The following SCFD1 variants were observed in gnomAD, a reference collection of about 807,000 sequenced individuals.
SCFD1 encodes sec1 family domain containing 1, also known as sec1 family domain-containing protein 1.
Under a neutral mutation model 103.2 loss-of-function variants are expected in SCFD1, and 37 were observed. That is an observed-to-expected ratio of 0.36 (90% CI 0.28 to 0.47). SCFD1 has a LOEUF of 0.47. SCFD1 is among the 20% of genes least tolerant of loss of function. The pLI is 1.00. For synonymous variants in SCFD1, 264 were observed against 245.0 expected (o/e 1.08, Z -0.73); for missense variants, 639 against 761.2 (o/e 0.84, Z 1.89).
chr14:30,624,997 A>G (rs1223927974), intron 1 of SCFD1, among the ~76,000 whole-genome samples: 2 of 152,262 alleles, frequency 1.3e-5, no homozygotes, highest in South Asian at 4.1e-4. Context: ...TCTGTTTAAA[A>G]TTACACCTCA....
chr14:30,705,442 T>C (rs1313093832), intron 17 of SCFD1, among the ~76,000 whole-genome samples: 5 of 152,040 alleles, frequency 3.3e-5, no homozygotes, highest in South Asian at 2.1e-4. Flanking sequence ...TGAAGAAAAA[T>C]AGGAAGTTTG....
chr14:30,637,877 G>C (rs1007409608), intron 4 of SCFD1, among the ~76,000 whole-genome samples: 1 of 152,094 alleles, frequency 6.6e-6, no homozygotes, highest in Non-Finnish European at 1.5e-5. Context: ...AAAGCAGTTT[G>C]TACTGTATTG....
chr14:30,691,094 A>T (rs1214112699), intron 14 of SCFD1, among the ~76,000 whole-genome samples: 1 of 152,192 alleles, frequency 6.6e-6, no homozygotes, highest in Non-Finnish European at 1.5e-5. Context: ...TCTTGAGGGT[A>T]GTGTAATTTT....
intron 20 of SCFD1, among the ~76,000 whole-genome samples, chr14:30,717,826 G>A (rs939308810): frequency 6.7e-6 from 1 of 148,246 alleles, no homozygotes; most frequent in Non-Finnish European, 1.5e-5. Flanking sequence ...AGAGTTTGCA[G>A]TAAGCCGAGA....
chr14:30,731,619 G>C (rs1332745017), intron 23 of SCFD1, among the ~76,000 whole-genome samples: 1 of 152,126 alleles, frequency 6.6e-6, no homozygotes, highest in Non-Finnish European at 1.5e-5. Context: ...AAGCAATTGT[G>C]AATGGGAGTT....
intron 10 of SCFD1, among the ~76,000 whole-genome samples, chr14:30,656,675 G>A (rs190756755): frequency 4.9e-4 from 74 of 152,182 alleles, no homozygotes; most frequent in African/African-American, 1.5e-3. Flanking sequence ...AAAGAGTCTG[G>A]GAGTAGCAAG....
intron 9 of SCFD1, among the ~76,000 whole-genome samples, chr14:30,652,917 G>T (rs370143737): frequency 6.6e-6 from 1 of 152,102 alleles, no homozygotes; most frequent in East Asian, 1.9e-4. Context: ...ACTGAGGTGG[G>T]AGGATTACTT....
chr14:30,717,007 G>C (rs1892325409), intron 20 of SCFD1, among the ~76,000 whole-genome samples: 1 of 152,064 alleles, frequency 6.6e-6, no homozygotes, highest in South Asian at 2.1e-4. Context: ...ATGAAGAAAA[G>C]GTTCTTCCTG....
At chr14:30,702,826 TA>T (rs35713754) in intron 17 of SCFD1, among the ~76,000 whole-genome samples, 1 of 152,166 alleles carries the variant, frequency 6.6e-6, no homozygotes, top group African/African-American at 2.4e-5. Flanking sequence ...AAGAGTTCTT[TA>T]AAAATAGCTC....
intron 1 of SCFD1, 39 bp downstream of exon 1, chr14:30,622,438 G>T: frequency 7.1e-6 from 11 of 1,548,806 alleles, no homozygotes; most frequent in Middle Eastern, 1.7e-4. Flanking sequence ...CTTCGTGACT[G>T]CCCCGACGAC....
At chr14:30,735,528 A>G (rs1893784266) in intron 24 of SCFD1, 58 bp from the exon 25 acceptor site, 1 of 1,173,418 alleles carries the variant, frequency 8.5e-7, no homozygotes. Context: ...ATATGTTTGA[A>G]TGTTTCTTTT....
intron 14 of SCFD1, among the ~76,000 whole-genome samples, chr14:30,684,808 T>TTTC (rs1309426027): frequency 2.8e-5 from 4 of 141,822 alleles, no homozygotes; most frequent in African/African-American, 5.4e-5. Flanking sequence ...TGTTTCTTTT[T>TTTC]TTTTTTTTTT....
chr14:30,668,123 G>T (rs1331225263), intron 10 of SCFD1, among the ~76,000 whole-genome samples: 1 of 152,132 alleles, frequency 6.6e-6, no homozygotes, highest in African/African-American at 2.4e-5. Flanking sequence ...AAAGCTGGAG[G>T]CATCACACTA....
chr14:30,638,112 A>T lies in SCFD1; in HGVS notation c.313-13A>T, dbSNP rs774494038. 6.3e-7 allele frequency: 1 copy of T among 1,579,788 alleles called. No individual in the cohort carries two copies. The highest frequency in any genetic ancestry group is 8.6e-7 in the Non-Finnish European group (1 of 1,166,920). ...TTTATCCTATAAGAATAAAGTTTTC[A>T]TTGTATTGATAGGATCTTCGAAATC... On this transcript the variant is annotated splice_polypyrimidine_tract_variant and intron_variant, in intron 4 of 24. Coordinates refer to ENST00000458591, the MANE Select transcript of SCFD1 (RefSeq NM_016106.4).
intron 19 of SCFD1, among the ~76,000 whole-genome samples, chr14:30,711,447 A>G (rs1165189608): frequency 1.3e-5 from 2 of 152,084 alleles, no homozygotes; most frequent in African/African-American, 4.8e-5. Context: ...ATCTATCTCT[A>G]CAAAAAATAC....
At position 30,638,176 on chromosome 14, in the gene SCFD1, A is replaced by G. The variant is rs754825986; in HGVS notation, c.364A>G (p.Ile122Val). Residue 122 changes from isoleucine (I) to valine (V), a missense_variant, in exon 5 of 25, where the codon ATT (isoleucine) becomes GTT (valine). Ile to Val is a conservative substitution (Grantham distance 29, BLOSUM62 3). Transcript: ENST00000458591. ...ATATTATTTAAATTTTATTTCTGCT[A>G]TTTCAAGAAGTAAACTGGAAGATAT... ...ESYYLNFISA[I>V]SRSKLEDIAN... is the part of the protein sequence containing the mutation. The G allele has an allele frequency of 6.9e-5, 112 of 1,612,336 alleles. No homozygotes were observed. In the East Asian group the frequency reaches 2.2e-3, roughly 32 times the overall value.
chr14:30,657,684 A>G (rs1355568063), intron 10 of SCFD1, among the ~76,000 whole-genome samples: 3 of 152,246 alleles, frequency 2.0e-5, no homozygotes, highest in East Asian at 1.9e-4. Flanking sequence ...TATAATCACA[A>G]AAATTTTTGT....
intron 10 of SCFD1, among the ~76,000 whole-genome samples, chr14:30,655,606 T>C (rs755364841): frequency 5.9e-5 from 9 of 152,202 alleles, no homozygotes; most frequent in Non-Finnish European, 1.0e-4. Context: ...GCTGAGATGA[T>C]AGCAGCTTAT....
At chr14:30,693,762 C>G (rs1268927967) in intron 14 of SCFD1, among the ~76,000 whole-genome samples, 1 of 152,082 alleles carries the variant, frequency 6.6e-6, no homozygotes, top group Admixed American at 6.5e-5. Flanking sequence ...GGTTTCCACT[C>G]CCACTTTGAT....
Sources: allele counts gnomAD v4.1 joint callset (sites outside exome capture counted in the v4.1 genomes callset), GRCh38; gene constraint gnomAD v4.1.1; transcripts MANE v1.5; gene names NCBI Gene and HGNC (gene_info 2026-07-23, HGNC 2026-07-21).